Variants in SPRYD4 observed in about 807,000 individuals in gnomAD.
The protein encoded by SPRYD4 is SPRY domain-containing protein 4.
Under a neutral mutation model 16.6 loss-of-function variants are expected in SPRYD4, and 12 were observed. The ratio of observed to expected loss-of-function variants is 0.72; its 90% confidence interval spans 0.46 to 1.17. The LOEUF is 1.17. Ranked by LOEUF, SPRYD4 falls within the 50% of genes most tolerant of loss-of-function variation. The pLI, the probability that SPRYD4 is intolerant of heterozygous loss-of-function variation, is 0.00. For synonymous variants in SPRYD4, 98 were observed against 105.4 expected, an observed-to-expected ratio of 0.93 and a Z score of 0.43; for missense variants, 260 against 260.2, an observed-to-expected ratio of 1.00 and a Z score of 0.00.
In SPRYD4 at chr12:56,477,985, C is replaced by T. The variant is rs780176073; in HGVS notation, c.*8408C>T. The T allele has an allele frequency of 6.2e-7, 1 of 1,614,210 alleles. No homozygotes were observed. The highest frequency in any genetic ancestry group is 2.2e-5 in the East Asian group (1 of 44,888). ...AGCGCAGGCCACTTGGCTCTTTGCC[C>T]ACAAACTTGTGCACGTAGTCAGTGC... On this transcript the variant is annotated 3_prime_UTR_variant, in exon 2 of 2. Transcript: ENST00000338146.
rs1250630935 is a variant in SPRYD4 at position 56,471,448 on chromosome 12, C to A, written c.*1871C>A. 1 of 1,579,176 alleles carries A rather than the reference C, an allele frequency of 6.3e-7. No individual in the cohort carries two copies. Among genetic ancestry groups the A allele is most frequent in the Admixed American group, 1.8e-5 (1 of 55,312 alleles). On this transcript the variant is annotated 3_prime_UTR_variant, in exon 2 of 2. Transcript: ENST00000338146. ...TTATGGATTACATGTGTGGCCAGCT[C>A]ATGCTTTTTCTTGAGCAGGGGCTGT...
chr12:56,472,525 T>A lies in SPRYD4; in HGVS notation c.*2948T>A. The A allele has an allele frequency of 1.5e-6, 1 of 650,490 alleles. No individual in the cohort carries two copies. The highest frequency in any genetic ancestry group is 2.7e-6 in the Non-Finnish European group (1 of 376,918). The allele number at this position is 650,490 out of a possible 1,614,324, so 40.3% of individuals were successfully genotyped here. A position where few individuals can be genotyped will look rare whatever the true frequency, so the allele number is the denominator to read the frequency against. On this transcript the variant is annotated 3_prime_UTR_variant, in exon 2 of 2. Coordinates refer to ENST00000338146, the MANE Select transcript of SPRYD4 (RefSeq NM_207344.4). ...AATTATCATAGAGCAGACAGTTTACTTTTTTTAAAAAAAATCTCCTTTTTT... is the reference window on the plus strand; with the variant it reads ...AATTATCATAGAGCAGACAGTTTACATTTTTTAAAAAAAATCTCCTTTTTT...
chr12:56,472,363 T>A lies in SPRYD4; in HGVS notation c.*2786T>A. On this transcript the variant is annotated 3_prime_UTR_variant, in exon 2 of 2. Coordinates refer to ENST00000338146, the MANE Select transcript of SPRYD4 (RefSeq NM_207344.4). ...TTTCCATATCCAGATGAGACTGTTA[T>A]ACTCATATTAGAGAGATGGGAATGT... The A allele has an allele frequency of 1.6e-6, 1 of 629,252 alleles. No individual in the cohort carries two copies. The highest frequency in any genetic ancestry group is 1.9e-5 in the South Asian group (1 of 52,538). 39.0% of individuals were successfully genotyped at this position (629,252 alleles called of 1,614,324 possible).
rs34646954 is a variant in SPRYD4 at position 56,478,986 on chromosome 12, G to GA, written c.*9429dup. The GA allele has an allele frequency of 0.091, 121,690 of 1,331,844 alleles. 273 individuals carry two copies. The highest frequency in any genetic ancestry group is 0.1 in the Non-Finnish European group (102,223 of 1,011,776). The allele number at this position is 1,331,844 out of a possible 1,614,324, so 82.5% of individuals were successfully genotyped here. On this transcript the variant is annotated 3_prime_UTR_variant, in exon 2 of 2. Coordinates refer to ENST00000338146, the MANE Select transcript of SPRYD4 (RefSeq NM_207344.4). Reference sequence around the variant, plus strand: ...GTGACAGAGCAAAACTCTGTCTCAGGAAAAAAAAAAAAAAAAAAAATCTGG... The same window carrying GA: ...GTGACAGAGCAAAACTCTGTCTCAGGAAAAAAAAAAAAAAAAAAAAATCTGG...
In SPRYD4 at chr12:56,472,218, T is replaced by C. The variant is rs1869346217; in HGVS notation, c.*2641T>C. 14 of 1,604,384 alleles carry C rather than the reference T, an allele frequency of 8.7e-6. No homozygotes were observed. The highest frequency in any genetic ancestry group is 1.2e-5 in the Non-Finnish European group (14 of 1,171,182). On this transcript the variant is annotated 3_prime_UTR_variant, in exon 2 of 2. Transcript: ENST00000338146. ...AACCTGAGGGTAGTGGGAAAGCAGC[T>C]AGAGTTGCCTAGATCAGACTGGAAT...
In SPRYD4 at chr12:56,469,274, G is replaced by A; in HGVS notation, c.321G>A (p.Val107=). 6.2e-7 allele frequency: 1 copy of A among 1,614,118 alleles called. No homozygotes were observed. Among genetic ancestry groups the A allele is most frequent in the Non-Finnish European group, 8.5e-7 (1 of 1,179,976 alleles). ...AGTTCCGGATAGGAGTGGCAGATGT[G>A]GACATGTCCCGGGATAGCTGCATTG... is the stretch of plus-strand genomic sequence containing the variant. The part of the protein sequence containing the change: ...SQQFRIGVAD[V]DMSRDSCIGV... The change falls in exon 2 of 2, where the codon GTG becomes GTA. Residue 107 remains valine, a synonymous_variant. Transcript: ENST00000338146.
chr12:56,469,665 C>T lies in SPRYD4; in HGVS notation c.*88C>T. 7.9e-7 allele frequency: 1 copy of T among 1,273,056 alleles called. No individual in the cohort carries two copies. Among genetic ancestry groups the T allele is most frequent in the Non-Finnish European group, 1.1e-6 (1 of 937,322 alleles). The allele number at this position is 1,273,056 out of a possible 1,614,324, so 78.9% of individuals were successfully genotyped here. A position where few individuals can be genotyped will look rare whatever the true frequency, so the allele number is the denominator to read the frequency against. On this transcript the variant is annotated 3_prime_UTR_variant, in exon 2 of 2. Transcript: ENST00000338146. ...GCCTTTTTACTTTGCCTCAAGCAAC[C>T]TCTAGCTCCCACAATTCAGTGTTGG...
chr12:56,472,074 G>C lies in SPRYD4; in HGVS notation c.*2497G>C, dbSNP rs1438861030. 1 of 1,592,050 alleles carries C rather than the reference G, an allele frequency of 6.3e-7. No homozygotes were observed. The highest frequency in any genetic ancestry group is 2.2e-5 in the East Asian group (1 of 44,692). On this transcript the variant is annotated 3_prime_UTR_variant, in exon 2 of 2. Coordinates refer to ENST00000338146, the MANE Select transcript of SPRYD4 (RefSeq NM_207344.4). ...AAGGTACTTTTGGTGAAAAAGAAAG[G>C]GTCTTATGATTACCCTCCTCCTCCC...
chr12:56,471,785 A>T lies in SPRYD4; in HGVS notation c.*2208A>T, dbSNP rs114113928. ...GCCTATTCCTCACCTGTCCTTGGCA[A>T]AAGGATTCACTTTGCAAGCCTCGAT... On this transcript the variant is annotated 3_prime_UTR_variant, in exon 2 of 2. Transcript: ENST00000338146. 6.2e-7 allele frequency: 1 copy of T among 1,614,120 alleles called. No homozygotes were observed. Among genetic ancestry groups the T allele is most frequent in the African/African-American group, 1.3e-5 (1 of 75,024 alleles).
Position 56,472,630 on chromosome 12 carries a change from C to T in SPRYD4, c.*3053C>T. On this transcript the variant is annotated 3_prime_UTR_variant, in exon 2 of 2. Transcript: ENST00000338146. ...ACTTAACTATTTTGTTACGCTGCCT[C>T]CTAGTAAAATCTCTGACCAGGAGTA... 1.4e-6 allele frequency: 2 copies of T among 1,460,718 alleles called. No individual in the cohort carries two copies. Among genetic ancestry groups the T allele is most frequent in the Non-Finnish European group, 1.9e-6 (2 of 1,041,932 alleles). 90.5% of individuals were successfully genotyped at this position (1,460,718 alleles called of 1,614,324 possible). A position where few individuals can be genotyped will look rare whatever the true frequency, so the allele number is the denominator to read the frequency against.
At position 56,472,948 on chromosome 12, in the gene SPRYD4, C is replaced by T. The variant is rs1000265411; in HGVS notation, c.*3371C>T. 24 of 564,592 alleles carry T rather than the reference C, an allele frequency of 4.3e-5. No individual in the cohort carries two copies. The highest frequency in any genetic ancestry group is 1.9e-4 in the South Asian group (9 of 47,166). The allele number at this position is 564,592 out of a possible 1,614,324, so 35.0% of individuals were successfully genotyped here. ...TGTCGTTCAGGCTGAAGTGTAGTGG[C>T]GCGCGGTCTTGGCTCACTGCAACCT... On this transcript the variant is annotated 3_prime_UTR_variant, in exon 2 of 2. Transcript: ENST00000338146.
rs1299775465 is a variant in SPRYD4, at chr12:56,477,613, A to G, written c.*8036A>G. On this transcript the variant is annotated 3_prime_UTR_variant, in exon 2 of 2. Coordinates refer to ENST00000338146, the MANE Select transcript of SPRYD4 (RefSeq NM_207344.4). ...ACAAATATGAGGGATACAGGAACACAGGAGCTTAGAGGATAATACCTATCA... is the reference window on the plus strand; with the variant it reads ...ACAAATATGAGGGATACAGGAACACGGGAGCTTAGAGGATAATACCTATCA... 6.4e-7 allele frequency: 1 copy of G among 1,561,060 alleles called. No homozygotes were observed. The highest frequency in any genetic ancestry group is 2.3e-5 in the East Asian group (1 of 44,376).
rs1181358472 is a variant in SPRYD4 at position 56,468,886 on chromosome 12, A to G, written c.86-153A>G. Reference sequence around the variant, plus strand: ...TTTTTCAGCTCCGTGAGCTATCCGTAGTAAAGCGACCTCGCGACTCTCTTG... The same window carrying G: ...TTTTTCAGCTCCGTGAGCTATCCGTGGTAAAGCGACCTCGCGACTCTCTTG... On this transcript the variant is annotated intron_variant, in intron 1 of 1. Transcript: ENST00000338146. 6 of 1,101,874 alleles carry G rather than the reference A, an allele frequency of 5.4e-6. No homozygotes were observed. The East Asian group carries it at 1.3e-4, about 23-fold the overall frequency. The allele number at this position is 1,101,874 out of a possible 1,614,324, so 68.3% of individuals were successfully genotyped here.
Position 56,472,582 on chromosome 12 carries a change from C to T in SPRYD4, c.*3005C>T, listed in dbSNP as rs964250224. ...ATTTCATTTAAATGCAATCTATATC[C>T]ATTCTAATTCCAAAGCTGAAGCACT... On this transcript the variant is annotated 3_prime_UTR_variant, in exon 2 of 2. Transcript: ENST00000338146. 1.7e-5 allele frequency: 17 copies of T among 979,946 alleles called. No individual in the cohort carries two copies. Among genetic ancestry groups the T allele is most frequent in the South Asian group, 8.5e-5 (6 of 70,744 alleles). 60.7% of individuals were successfully genotyped at this position (979,946 alleles called of 1,614,324 possible). A position where few individuals can be genotyped will look rare whatever the true frequency, so the allele number is the denominator to read the frequency against.
chr12:56,473,487 G>A lies in SPRYD4; in HGVS notation c.*3910G>A, dbSNP rs757809933. On this transcript the variant is annotated 3_prime_UTR_variant, in exon 2 of 2. Coordinates refer to ENST00000338146, the MANE Select transcript of SPRYD4 (RefSeq NM_207344.4). ...CCTGGCAGAAGCTGGTCCCCCTATG[G>A]CTGTTCCCCAGCTTGTCCAATGGGG... The A allele has an allele frequency of 2.4e-5, 38 of 1,613,752 alleles. No individual in the cohort carries two copies. The highest frequency in any genetic ancestry group is 3.1e-5 in the Non-Finnish European group (36 of 1,179,930).
chr12:56,479,694 C>G lies in SPRYD4; in HGVS notation c.*10117C>G. ...AAATAAAATGAGGAATTGAACTATA[C>G]AATTCCCAAATTCCTCCCTGCTCTG... On this transcript the variant is annotated 3_prime_UTR_variant, in exon 2 of 2. Transcript: ENST00000338146. 1 of 1,442,254 alleles carries G rather than the reference C, an allele frequency of 6.9e-7. No individual in the cohort carries two copies. 89.3% of individuals were successfully genotyped at this position (1,442,254 alleles called of 1,614,324 possible).
In SPRYD4 at chr12:56,475,840, G is replaced by C; in HGVS notation, c.*6263G>C. On this transcript the variant is annotated 3_prime_UTR_variant, in exon 2 of 2. Coordinates refer to ENST00000338146, the MANE Select transcript of SPRYD4 (RefSeq NM_207344.4). The stretch of plus-strand genomic sequence containing the variant: ...TTTCTGGAAATAAGGCTTCTAGTAT[G>C]GGCTGGTGCACCTGGTAGTGGGGTT... 1.4e-6 allele frequency: 2 copies of C among 1,415,074 alleles called. No individual in the cohort carries two copies. Among genetic ancestry groups the C allele is most frequent in the South Asian group, 2.3e-5 (2 of 86,560 alleles). The allele number at this position is 1,415,074 out of a possible 1,614,324, so 87.7% of individuals were successfully genotyped here.
chr12:56,471,530 G>A lies in SPRYD4; in HGVS notation c.*1953G>A, dbSNP rs1027084561. On this transcript the variant is annotated 3_prime_UTR_variant, in exon 2 of 2. Transcript: ENST00000338146. Reference sequence around the variant, plus strand: ...GTTCTCTTTGGACAGGGCCTCAGCTGCTGCCTCAGCCTGAGTTTCAGAGAG... The same window carrying A: ...GTTCTCTTTGGACAGGGCCTCAGCTACTGCCTCAGCCTGAGTTTCAGAGAG... The A allele has an allele frequency of 1.2e-6, 2 of 1,614,006 alleles. No homozygotes were observed. Among genetic ancestry groups the A allele is most frequent in the African/African-American group, 1.3e-5 (1 of 74,918 alleles).
Position 56,475,887 on chromosome 12 carries a change from G to C in SPRYD4, c.*6310G>C. 1 of 1,586,420 alleles carries C rather than the reference G, an allele frequency of 6.3e-7. No individual in the cohort carries two copies. The highest frequency in any genetic ancestry group is 8.7e-7 in the Non-Finnish European group (1 of 1,155,210). ...GGTTAGAGAGCCACTGGGGCAGCTG[G>C]AGAGGACAGCATGCCATGGCGAAAT... On this transcript the variant is annotated 3_prime_UTR_variant, in exon 2 of 2. Transcript: ENST00000338146.
Sources: gnomAD v4.1 joint callset for allele counts on GRCh38, gnomAD v4.1.1 for gene constraint, MANE v1.5 for transcripts, NCBI Gene and HGNC (gene_info 2026-07-23, HGNC 2026-07-21) for gene names.